TNRC6A: variants seen among roughly 807,000 people sequenced by gnomAD.
TNRC6A encodes the protein trinucleotide repeat containing adaptor 6A, also known as trinucleotide repeat-containing gene 6A protein.
Under a neutral mutation model 221.2 loss-of-function variants are expected in TNRC6A, and 44 were observed. That is an observed-to-expected ratio of 0.20 (90% CI 0.16 to 0.26). The LOEUF (loss-of-function observed/expected upper bound fraction) is 0.26, where lower values mean the gene tolerates loss of function less well. Ranked by LOEUF, TNRC6A falls within the 10% of genes least tolerant of loss-of-function variation. The probability of loss-of-function intolerance (pLI) is 1.00; values close to 1 mark genes in which losing one functional copy is unlikely to be tolerated. For missense variants in TNRC6A, 2,199 were observed against 2,404.4 expected (o/e 0.91, Z 1.79); for synonymous variants, 847 against 838.5 (o/e 1.01, Z -0.18).
intron 2 of TNRC6A, among the ~76,000 whole-genome samples, chr16:24,656,990 C>A (rs1206510562): frequency 6.6e-6 from 1 of 151,950 alleles, no homozygotes; most frequent in Non-Finnish European, 1.5e-5. Context: ...AAAACCATGA[C>A]CTGGGTCTTT....
At position 24,777,052 on chromosome 16, in the gene TNRC6A, C is replaced by T. The variant is rs757723894; in HGVS notation, c.283C>T (p.Pro95Ser). The T allele has an allele frequency of 1.2e-6, 2 of 1,613,692 alleles. No individual in the cohort carries two copies. The highest frequency in any genetic ancestry group is 8.5e-7 in the Non-Finnish European group (1 of 1,179,826). The change falls in exon 5 of 25, where the codon CCA (proline) becomes TCA (serine). Residue 95 changes from proline to serine, a missense_variant. Pro to Ser is a moderately conservative substitution (Grantham distance 74). This residue lies in a region of TNRC6A where 1,405 missense variants were observed against 1,400.2 expected (regional missense o/e 1.00). Coordinates refer to ENST00000395799, the MANE Select transcript of TNRC6A (RefSeq NM_014494.4). ...AKRATANNQQ[P>S]QQQQQQQQPQ... ...GCGAGCTACAGCCAACAATCAGCAGCCACAGCAGCAGCAGCAACAGCAGCA... is the reference window on the plus strand; with the variant it reads ...GCGAGCTACAGCCAACAATCAGCAGTCACAGCAGCAGCAGCAACAGCAGCA...
At chr16:24,771,582 T>TTTTATGTTATGTTATGTTGTTATGTTA in intron 4 of TNRC6A, among the ~76,000 whole-genome samples, 9 of 95,546 alleles carry the variant, frequency 9.4e-5, no homozygotes, top group African/African-American at 3.9e-4. Context: ...TTATGTTATG[T>TTTTATGTTATGTTATGTTGTTATGTTA]TGTTATGTTA....
intron 2 of TNRC6A, among the ~76,000 whole-genome samples, chr16:24,651,538 CAAAAAAA>C (rs768568973): frequency 3.7e-4 from 18 of 48,752 alleles, no homozygotes; most frequent in Admixed American, 1.0e-3. Context: ...AACTCCATCT[CAAAAAAA>C]AAAAAAAAAA....
chr16:24,725,039 A>C (rs2056469373), upstream of TNRC6A, among the ~76,000 whole-genome samples: 1 of 152,170 alleles, frequency 6.6e-6, no homozygotes, highest in African/African-American at 2.4e-5. Flanking sequence ...CCACAGGAAC[A>C]AAGACAAATG....
intron 17 of TNRC6A, among the ~76,000 whole-genome samples, chr16:24,808,781 T>C (rs963184176): frequency 1.3e-5 from 2 of 152,226 alleles, no homozygotes; most frequent in Non-Finnish European, 2.9e-5. Context: ...AAGTCTTCAT[T>C]TTTAAACAAG....
intron 2 of TNRC6A, among the ~76,000 whole-genome samples, chr16:24,707,490 G>A (rs1262081634): frequency 6.6e-6 from 1 of 151,808 alleles, no homozygotes; most frequent in Non-Finnish European, 1.5e-5. Flanking sequence ...AATACCATAG[G>A]CTAAATTAAA....
At chr16:24,619,126 T>C (rs998113717) in intron 1 of TNRC6A, among the ~76,000 whole-genome samples, 4 of 152,238 alleles carry the variant, frequency 2.6e-5, no homozygotes, top group Non-Finnish European at 4.4e-5. Flanking sequence ...GATTGATTTA[T>C]AGCTTTCTTA....
intron 18 of TNRC6A, among the ~76,000 whole-genome samples, chr16:24,813,729 G>A (rs1286802893): frequency 1.3e-5 from 2 of 152,168 alleles, no homozygotes; most frequent in African/African-American, 2.4e-5. Context: ...AACTGAACCT[G>A]TCACGTAGGT....
chr16:24,709,484 A>G (rs1444297439), intron 2 of TNRC6A, among the ~76,000 whole-genome samples: 3 of 152,146 alleles, frequency 2.0e-5, no homozygotes, highest in African/African-American at 7.2e-5. Flanking sequence ...ACATTTTAAA[A>G]TGTTCATTGA....
chr16:24,728,437 A>C (rs1318668790), upstream of TNRC6A, among the ~76,000 whole-genome samples: 1 of 151,516 alleles, frequency 6.6e-6, no homozygotes, highest in African/African-American at 2.4e-5. Context: ...ACAGAGCGAG[A>C]CTCCGCCTAA....
At chr16:24,680,116 T>C (rs1717252167) in intron 2 of TNRC6A, among the ~76,000 whole-genome samples, 1 of 152,036 alleles carries the variant, frequency 6.6e-6, no homozygotes, top group Non-Finnish European at 1.5e-5. Flanking sequence ...TTGTCCACAG[T>C]TTTTAAAAAT....
intron 2 of TNRC6A, among the ~76,000 whole-genome samples, chr16:24,654,897 C>T (rs1322825532): frequency 2.6e-5 from 4 of 152,028 alleles, no homozygotes; most frequent in East Asian, 1.9e-4. Flanking sequence ...TATTATTTCA[C>T]GGTAGATGGT....
chr16:24,637,903 G>A (rs1466016926), intron 1 of TNRC6A, among the ~76,000 whole-genome samples: 1 of 152,090 alleles, frequency 6.6e-6, no homozygotes, highest in Non-Finnish European at 1.5e-5. Context: ...TCCTGTCTCA[G>A]CCTCTCAAGT....
intron 5 of TNRC6A, among the ~76,000 whole-genome samples, chr16:24,783,195 C>T (rs904453888): frequency 4.0e-5 from 6 of 151,802 alleles, no homozygotes; most frequent in Non-Finnish European, 7.4e-5. Context: ...GTGGTGCGAT[C>T]TCTGCTCACT....
intron 11 of TNRC6A, among the ~76,000 whole-genome samples, chr16:24,801,117 C>T (rs543237350): frequency 3.9e-5 from 6 of 152,174 alleles, no homozygotes; most frequent in South Asian, 2.1e-4. Flanking sequence ...AGTAAACAGT[C>T]GAAAATCTGG....
At chr16:24,630,379 A>G (rs1901270575) in intron 1 of TNRC6A, among the ~76,000 whole-genome samples, 1 of 152,056 alleles carries the variant, frequency 6.6e-6, no homozygotes, top group Non-Finnish European at 1.5e-5. Flanking sequence ...AACACAAAGC[A>G]AGGACCAGGC....
intron 1 of TNRC6A, 51 bp from the exon 2 acceptor site, chr16:24,730,201 GT>G (rs2056595334): frequency 1.3e-6 from 2 of 1,547,126 alleles, no homozygotes; most frequent in Non-Finnish European, 1.7e-6. Context: ...CGCGCATCTC[GT>G]TTTTGTGTGT....
chr16:24,670,940 G>C (rs1047530170), intron 2 of TNRC6A: 5 of 382,946 alleles, frequency 1.3e-5, no homozygotes, highest in African/African-American at 8.5e-5. Flanking sequence ...ATGCTGACAG[G>C]GGGTACCAGC....
rs2057925225 is a variant in TNRC6A at position 24,784,516 on chromosome 16, G to T, written c.590-4716G>T. On this transcript the variant is annotated intron_variant, in intron 5 of 24. Coordinates refer to ENST00000395799, the MANE Select transcript of TNRC6A (RefSeq NM_014494.4). ...TTTTTTTATTTTTTGTAGAGATGGG[G>T]TGTTGCAGGGTTGCCCAGGATAGTC... is the stretch of plus-strand genomic sequence containing the variant. Among the ~76,000 whole-genome samples, 4 of 152,090 alleles carry T rather than the reference G, an allele frequency of 2.6e-5. No homozygotes were observed. In the South Asian group the frequency reaches 8.3e-4, roughly 31 times the overall value.
Sources: gnomAD v4.1 joint callset for allele counts (sites outside exome capture counted in the v4.1 genomes callset) on GRCh38, gnomAD v4.1.1 for gene constraint, gnomAD v4.1.1 regional missense constraint, MANE v1.5 for transcripts, NCBI Gene and HGNC (gene_info 2026-07-23, HGNC 2026-07-21) for gene names.